Variants in KLF17 observed in about 807,000 individuals in gnomAD.
KLF17 encodes the protein Krueppel-like factor 17.
KLF17 carries 31 observed loss-of-function variants against 34.2 expected under a neutral mutation model. The ratio of observed to expected loss-of-function variants is 0.91; its 90% CI spans 0.68 to 1.22. The LOEUF (loss-of-function observed/expected upper bound fraction) is 1.22. Ranked by LOEUF, KLF17 falls within the 50% of genes most tolerant of loss-of-function variation. KLF17 has a pLI of 0.00. For synonymous variants in KLF17, 179 were observed against 186.7 expected, an observed-to-expected ratio of 0.96 and a Z score of 0.34; for missense variants, 478 against 505.2, an observed-to-expected ratio of 0.95 and a Z score of 0.52.
At chr1:44,067,798 C>A in the KLF17 span, among the ~76,000 whole-genome samples, 1 of 151,948 alleles carries the variant, frequency 6.6e-6, no homozygotes. Context: ...GCCAATGCCA[C>A]CCTGACCTCA....
At chr1:44,087,324 G>A in the KLF17 span, among the ~76,000 whole-genome samples, 1 of 151,800 alleles carries the variant, frequency 6.6e-6, no homozygotes, top group South Asian at 2.1e-4. Flanking sequence ...GTGTGATCAT[G>A]GCTCACTGCA....
the KLF17 span, among the ~76,000 whole-genome samples, chr1:44,095,243 T>G: frequency 7.3e-6 from 1 of 136,610 alleles, no homozygotes; most frequent in Non-Finnish European, 1.6e-5. Context: ...GAGACAGAGT[T>G]TTGCTCTTAT....
At position 44,129,614 on chromosome 1, in the gene KLF17, C is replaced by T. The variant is rs765869658; in HGVS notation, c.343C>T (p.Gln115Ter). ...TLTPSRMIYC[Q>*]RMSPPQQEMT... is the part of the protein sequence containing the mutation. ...CACTCCTTCCCGGATGATTTACTGT[C>T]AGAGAATGTCTCCCCCTCAGCAAGA... is the stretch of plus-strand genomic sequence containing the variant. The change falls in exon 2 of 4, where the codon CAG (glutamine) becomes TAG (stop). Residue 115 changes from glutamine to a stop codon, truncating the protein, a stop_gained. Coordinates refer to ENST00000372299, the MANE Select transcript of KLF17 (RefSeq NM_173484.4). LOFTEE classifies it high-confidence loss of function. 2 of 1,614,192 alleles carry T rather than the reference C, an allele frequency of 1.2e-6. No homozygotes were observed. Among genetic ancestry groups the T allele is most frequent in the South Asian group, 2.2e-5 (2 of 91,078 alleles).
At chr1:44,087,161 G>T in the KLF17 span, among the ~76,000 whole-genome samples, 3 of 152,288 alleles carry the variant, frequency 2.0e-5, no homozygotes, top group African/African-American at 7.2e-5. Context: ...AATTTAAACT[G>T]GGTGAGGAAG....
At chr1:44,117,876 A>T (rs967112772), upstream of KLF17, among the ~76,000 whole-genome samples, 3 of 152,194 alleles carry the variant, frequency 2.0e-5, no homozygotes, top group African/African-American at 7.2e-5. Context: ...GGTTTATTTT[A>T]AAAACATATA....
At chr1:44,102,559 TACACATACACAC>T in the KLF17 span, among the ~76,000 whole-genome samples, 662 of 87,694 alleles carry the variant, frequency 7.5e-3, 11 homozygotes, top group East Asian at 0.037. Context: ...ATCACACACA[TACACATACACAC>T]ACACACACAC....
the KLF17 span, among the ~76,000 whole-genome samples, chr1:44,079,004 A>G: frequency 2.0e-5 from 3 of 152,056 alleles, no homozygotes; most frequent in Admixed American, 6.6e-5. Context: ...CTTAATTATC[A>G]TATTTTACAA....
the KLF17 span, among the ~76,000 whole-genome samples, chr1:44,063,095 A>G: frequency 2.6e-5 from 4 of 152,328 alleles, no homozygotes; most frequent in Admixed American, 6.5e-5. Context: ...ACATGGGTGA[A>G]CCTTGCATAA....
At chr1:44,120,499 T>C (rs1312612464) in intron 1 of KLF17, among the ~76,000 whole-genome samples, 1 of 152,136 alleles carries the variant, frequency 6.6e-6, no homozygotes, top group Non-Finnish European at 1.5e-5. Context: ...CCAGTGGTCG[T>C]ATAAGCTCCT....
chr1:44,127,692 T>TTTCTTTCTTTCTTTCTTTC (rs1553171671), intron 1 of KLF17, among the ~76,000 whole-genome samples: 14 of 90,136 alleles, frequency 1.6e-4, no homozygotes, highest in African/African-American at 7.2e-4. Context: ...CTTTCTTTCT[T>TTTCTTTCTTTCTTTCTTTC]TTTCTTTCTT....
At chr1:44,090,219 G>A in the KLF17 span, among the ~76,000 whole-genome samples, 1 of 143,922 alleles carries the variant, frequency 6.9e-6, no homozygotes, top group Non-Finnish European at 1.5e-5. Flanking sequence ...CTGCTGGCCA[G>A]GTGCTGCCAC....
At position 44,129,741 on chromosome 1, in the gene KLF17, G is replaced by C; in HGVS notation, c.470G>C (p.Gly157Ala). 1 of 1,614,060 alleles carries C rather than the reference G, an allele frequency of 6.2e-7. No individual in the cohort carries two copies. The highest frequency in any genetic ancestry group is 8.5e-7 in the Non-Finnish European group (1 of 1,180,004). Residue 157 changes from glycine to alanine, a missense_variant, in exon 2 of 4, where the codon GGG (glycine) becomes GCG (alanine). Transcript: ENST00000372299. ...GGGAATCTAAGGATGCCCCCCAATGGGCTGCCAGTCTCGGCTTCCACTGGA... is the reference window on the plus strand; with the variant it reads ...GGGAATCTAAGGATGCCCCCCAATGCGCTGCCAGTCTCGGCTTCCACTGGA... ...FGGNLRMPPN[G>A]LPVSASTGIP...
intron 1 of KLF17, among the ~76,000 whole-genome samples, chr1:44,120,979 A>G (rs12401664): frequency 0.051 from 7,755 of 152,310 alleles, 240 homozygotes; most frequent in South Asian, 0.091. Flanking sequence ...TGGGCAACAT[A>G]GTGAGATCCT....
At chr1:44,066,769 A>C in the KLF17 span, among the ~76,000 whole-genome samples, 1 of 152,204 alleles carries the variant, frequency 6.6e-6, no homozygotes, top group Non-Finnish European at 1.5e-5. Context: ...AGAACCATTC[A>C]AATGCCTGGT....
the KLF17 span, among the ~76,000 whole-genome samples, chr1:44,063,348 A>G: frequency 2.2e-3 from 335 of 152,328 alleles, 3 homozygotes; most frequent in African/African-American, 7.9e-3. Context: ...TGATTTGTAC[A>G]TATTACTGTG....
intron 1 of KLF17, among the ~76,000 whole-genome samples, chr1:44,127,063 GTT>G (rs71587040): frequency 7.9e-5 from 10 of 126,886 alleles, no homozygotes; most frequent in East Asian, 2.3e-4. Flanking sequence ...TGCCTGGCTT[GTT>G]TTTTTTTTTT....
the KLF17 span, among the ~76,000 whole-genome samples, chr1:44,077,440 A>C: frequency 6.6e-6 from 1 of 152,210 alleles, no homozygotes; most frequent in South Asian, 2.1e-4. Flanking sequence ...ACTCGGTGGC[A>C]TAAAACAATT....
the KLF17 span, among the ~76,000 whole-genome samples, chr1:44,100,617 G>GTTTTGT: frequency 5.3e-5 from 8 of 149,954 alleles, no homozygotes; most frequent in African/African-American, 1.7e-4. Flanking sequence ...GCACTTGGCT[G>GTTTTGT]TTTTGTTTTT....
chr1:44,131,841 A>C (rs2906695), intron 3 of KLF17, among the ~76,000 whole-genome samples: 101,123 of 151,990 alleles, frequency 0.67, 33,748 homozygotes, highest in East Asian at 0.73. Flanking sequence ...ATTACAGGCA[A>C]GCACCACCAC....
Sources: allele counts gnomAD v4.1 joint callset (sites outside exome capture counted in the v4.1 genomes callset), GRCh38; gene constraint gnomAD v4.1.1; transcripts MANE v1.5; gene names NCBI Gene and HGNC (gene_info 2026-07-23, HGNC 2026-07-21).